Variants in ITGA1 observed in about 807,000 individuals in gnomAD.
The protein encoded by ITGA1 is integrin subunit alpha 1.
In ITGA1, 85 loss-of-function variants were observed where a neutral mutation model predicts 145.9. The observed-to-expected ratio is 0.58, with a 90% CI of 0.49 to 0.70. The LOEUF (loss-of-function observed/expected upper bound fraction) is 0.70. Ranked by LOEUF, ITGA1 falls within the 30% of genes least tolerant of loss-of-function variation. The pLI, the probability that ITGA1 is intolerant of heterozygous loss-of-function variation, is 0.00. For synonymous variants in ITGA1, 520 were observed against 495.3 expected (o/e 1.05, Z -0.66); for missense variants, 1,351 against 1,418.7 (o/e 0.95, Z 0.77).
intron 1 of ITGA1, among the ~76,000 whole-genome samples, chr5:52,806,250 A>T (rs1344054579): frequency 6.6e-6 from 1 of 151,482 alleles, no homozygotes; most frequent in East Asian, 1.9e-4. Context: ...ATGATTTATA[A>T]AGGATCTAGG....
intron 2 of ITGA1, among the ~76,000 whole-genome samples, chr5:52,858,063 C>G (rs547093699): frequency 6.6e-6 from 1 of 152,296 alleles, no homozygotes; most frequent in African/African-American, 2.4e-5. Flanking sequence ...CTCTGTACTT[C>G]CTGAATCCAA....
intron 22 of ITGA1, chr5:52,933,526 T>C (rs1342096195): frequency 6.5e-6 from 1 of 152,708 alleles, no homozygotes; most frequent in Non-Finnish European, 1.5e-5. Flanking sequence ...AATTATGAAA[T>C]GGTAAAAATT....
chr5:52,869,305 C>T (rs1749740762), intron 6 of ITGA1, among the ~76,000 whole-genome samples: 1 of 152,074 alleles, frequency 6.6e-6, no homozygotes, highest in Non-Finnish European at 1.5e-5. Context: ...GGATTACAGG[C>T]ATGTGCTACC....
At chr5:52,935,703 T>C (rs2111894194) in intron 23 of ITGA1, among the ~76,000 whole-genome samples, 1 of 152,316 alleles carries the variant, frequency 6.6e-6, no homozygotes, top group Non-Finnish European at 1.5e-5. Context: ...TGAACAGTCA[T>C]ATTCTCAATA....
chr5:52,788,308 G>A lies in ITGA1; in HGVS notation c.-46G>A. On this transcript the variant is annotated 5_prime_UTR_variant, in exon 1 of 29. Transcript: ENST00000282588. ...GAGCGCAGCTCCCGCGCCCGGTCCTGCCCTGCGAACCAGCGCGGCCCCCTG... is the reference window on the plus strand; with the variant it reads ...GAGCGCAGCTCCCGCGCCCGGTCCTACCCTGCGAACCAGCGCGGCCCCCTG... The A allele has an allele frequency of 6.9e-7, 1 of 1,459,620 alleles. No homozygotes were observed. Among genetic ancestry groups the A allele is most frequent in the Non-Finnish European group, 9.1e-7 (1 of 1,104,626 alleles). The allele number at this position is 1,459,620 out of a possible 1,614,324, so 90.4% of individuals were successfully genotyped here.
At chr5:52,951,447 C>CT (rs1363721826) in intron 28 of ITGA1, among the ~76,000 whole-genome samples, 1 of 152,100 alleles carries the variant, frequency 6.6e-6, no homozygotes, top group Non-Finnish European at 1.5e-5. Context: ...GCACTTATAA[C>CT]TTTTTATGAT....
intron 18 of ITGA1, among the ~76,000 whole-genome samples, 188 bp from the exon 19 acceptor site, chr5:52,925,090 T>C (rs1750783739): frequency 6.6e-6 from 1 of 152,208 alleles, no homozygotes; most frequent in Non-Finnish European, 1.5e-5. Context: ...TGTAAGTAAA[T>C]GTTTACTCTT....
intron 19 of ITGA1, 129 bp from the exon 20 acceptor site, chr5:52,927,455 T>A (rs1750828348): frequency 1.6e-6 from 1 of 620,344 alleles, no homozygotes; most frequent in Non-Finnish European, 2.9e-6. Flanking sequence ...TCTGTGCCTC[T>A]TCCAGCTAAA....
chr5:52,915,662 A>C, intron 15 of ITGA1, 68 bp downstream of exon 15: 1 of 1,549,070 alleles, frequency 6.5e-7, no homozygotes, highest in Non-Finnish European at 8.8e-7. Context: ...GTGTGATTGG[A>C]GCTCATGTCA....
At chr5:52,863,660 G>T (rs1749641377) in intron 3 of ITGA1, among the ~76,000 whole-genome samples, 1 of 152,062 alleles carries the variant, frequency 6.6e-6, no homozygotes, top group Non-Finnish European at 1.5e-5. Context: ...GATTTGCAGA[G>T]GAGCTGTTTT....
intron 1 of ITGA1, among the ~76,000 whole-genome samples, chr5:52,791,667 T>G (rs1748244171): frequency 1.3e-5 from 2 of 152,188 alleles, no homozygotes; most frequent in African/African-American, 4.8e-5. Context: ...CATGTATTAT[T>G]TCATTTTAAT....
At chr5:52,909,088 C>T (rs778864340) in intron 13 of ITGA1, 47 bp downstream of exon 13, 34 of 1,559,244 alleles carry the variant, frequency 2.2e-5, no homozygotes, top group Non-Finnish European at 2.5e-5. Context: ...TCTCTTCCTT[C>T]TCTTCATTTT....
At chr5:52,931,360 C>T (rs1345669241) in intron 21 of ITGA1, 3 of 152,146 alleles carry the variant, frequency 2.0e-5, no homozygotes, top group Non-Finnish European at 4.4e-5. Flanking sequence ...CAAGAACAAT[C>T]TCATTCTCTG....
chr5:52,894,037 G>C (rs954714152), intron 9 of ITGA1, among the ~76,000 whole-genome samples, 197 bp downstream of exon 9: 1 of 151,496 alleles, frequency 6.6e-6, no homozygotes, highest in Admixed American at 6.6e-5. Flanking sequence ...GTGTCTGCTA[G>C]AGACTCTCTT....
intron 1 of ITGA1, among the ~76,000 whole-genome samples, chr5:52,818,456 T>A (rs13182946): frequency 0.29 from 43,915 of 152,104 alleles, 7,600 homozygotes; most frequent in South Asian, 0.43. Context: ...GGAAGTATAT[T>A]CAAGTATCAC....
intron 2 of ITGA1, among the ~76,000 whole-genome samples, chr5:52,850,266 C>T (rs1310034454): frequency 6.6e-6 from 1 of 152,238 alleles, no homozygotes; most frequent in African/African-American, 2.4e-5. Context: ...TCCGAAAGTG[C>T]TGGGATTACA....
chr5:52,803,948 T>C (rs1748540666), intron 1 of ITGA1: 1 of 152,184 alleles, frequency 6.6e-6, no homozygotes, highest in African/African-American at 2.4e-5. Flanking sequence ...TCAAAAAAGT[T>C]AACTGGCCAT....
intron 2 of ITGA1, among the ~76,000 whole-genome samples, chr5:52,859,474 C>T (rs947578939): frequency 3.3e-5 from 5 of 152,104 alleles, no homozygotes; most frequent in Admixed American, 1.3e-4. Flanking sequence ...TCAGAAATTG[C>T]TTTCCAAAGG....
intron 15 of ITGA1, 116 bp from the exon 16 acceptor site, chr5:52,918,616 G>A (rs1318293385): frequency 5.9e-6 from 5 of 849,798 alleles, no homozygotes; most frequent in Non-Finnish European, 8.9e-6. Flanking sequence ...GGAGTCCTGA[G>A]CGCTGTATTA....
Sources: allele counts gnomAD v4.1 joint callset (sites outside exome capture counted in the v4.1 genomes callset), GRCh38; gene constraint gnomAD v4.1.1; transcripts MANE v1.5; gene names NCBI Gene and HGNC (gene_info 2026-07-23, HGNC 2026-07-21).